THSD4: variants seen among roughly 807,000 people sequenced by gnomAD.
THSD4 encodes thrombospondin type 1 domain containing 4.
THSD4 carries 69 observed loss-of-function variants against 119.0 expected under a neutral mutation model. The ratio of observed to expected loss-of-function variants is 0.58; its 90% CI spans 0.48 to 0.71. The LOEUF is 0.71. Ranked by LOEUF, THSD4 falls within the 30% of genes least tolerant of loss-of-function variation. The pLI, the probability that THSD4 is intolerant of heterozygous loss-of-function variation, is 0.00. For synonymous variants in THSD4, 524 were observed against 540.4 expected (o/e 0.97, Z 0.42); for missense variants, 1,393 against 1,391.1 (o/e 1.00, Z -0.02).
chr15:71,335,217 G>A (rs576054570), intron 6 of THSD4, among the ~76,000 whole-genome samples: 43 of 152,140 alleles, frequency 2.8e-4, no homozygotes, highest in Non-Finnish European at 4.9e-4. Flanking sequence ...CACAGCTCAC[G>A]TTCAGGAAAT....
intron 3 of THSD4, among the ~76,000 whole-genome samples, chr15:71,169,999 C>A (rs1370198887): frequency 6.6e-6 from 1 of 152,074 alleles, no homozygotes; most frequent in African/African-American, 2.4e-5. Context: ...CATGGTGAAA[C>A]CCCATCTCTA....
At chr15:71,764,768 A>G (rs1458313085) in intron 15 of THSD4, among the ~76,000 whole-genome samples, 1 of 152,234 alleles carries the variant, frequency 6.6e-6, no homozygotes, top group East Asian at 1.9e-4. Flanking sequence ...AGAAGACAAC[A>G]AGATCTTAGT....
chr15:71,412,773 A>C (rs908126474), intron 7 of THSD4, among the ~76,000 whole-genome samples: 2 of 152,196 alleles, frequency 1.3e-5, no homozygotes, highest in African/African-American at 4.8e-5. Flanking sequence ...GAGGTTTCAG[A>C]TAGGATGCAA....
chr15:71,220,791 C>T (rs2043969203), intron 4 of THSD4, among the ~76,000 whole-genome samples: 1 of 152,172 alleles, frequency 6.6e-6, no homozygotes, highest in Non-Finnish European at 1.5e-5. Context: ...GGGTGGGACT[C>T]TGGGAAGCAT....
chr15:71,446,805 C>T (rs1428270693), intron 7 of THSD4, among the ~76,000 whole-genome samples: 4 of 152,146 alleles, frequency 2.6e-5, no homozygotes, highest in Admixed American at 6.5e-5. Context: ...ATCTGAGCAT[C>T]TCGGGAAGAC....
rs542959885 is a variant in THSD4, at chr15:71,517,368, T to G, written c.1152+105545T>G. On this transcript the variant is annotated intron_variant, in intron 7 of 17. Transcript: ENST00000261862. ...GTGTCTGTGTTTTCGCTTTCATGCT[T>G]CTTCTTCCTCTTGCTTCACCTGTGT... Among the ~76,000 whole-genome samples the G allele has an allele frequency of 4.6e-5, 7 of 152,322 alleles. No individual in the cohort carries two copies. In the East Asian group the frequency reaches 5.8e-4, roughly 13 times the overall value.
chr15:71,139,575 A>T (rs1379491682), intron 1 of THSD4, among the ~76,000 whole-genome samples: 1 of 152,206 alleles, frequency 6.6e-6, no homozygotes, highest in Non-Finnish European at 1.5e-5. Context: ...GAGTAATTTC[A>T]TGAGTTGCTG....
At chr15:71,565,110 G>A (rs982650376) in intron 7 of THSD4, among the ~76,000 whole-genome samples, 1 of 152,148 alleles carries the variant, frequency 6.6e-6, no homozygotes, top group Non-Finnish European at 1.5e-5. Context: ...AAGGACTGTG[G>A]CTGCAGGTCC....
intron 7 of THSD4, among the ~76,000 whole-genome samples, chr15:71,617,555 G>A (rs55670524): frequency 0.015 from 2,212 of 152,206 alleles, 23 homozygotes; most frequent in Middle Eastern, 0.027. Flanking sequence ...ATACTCAGCC[G>A]AACCCTGGAA....
chr15:71,109,382 A>T (rs1432426483), intron 1 of THSD4, among the ~76,000 whole-genome samples: 1 of 152,236 alleles, frequency 6.6e-6, no homozygotes, highest in African/African-American at 2.4e-5. Context: ...AAGAAGTCAC[A>T]TACTTCTCTG....
chr15:71,339,993 G>T (rs2045543811), intron 6 of THSD4, among the ~76,000 whole-genome samples: 1 of 152,144 alleles, frequency 6.6e-6, no homozygotes, highest in Non-Finnish European at 1.5e-5. Context: ...TTGAACTCCT[G>T]ACCTCAGGTG....
At chr15:71,533,685 C>A (rs2048648416) in intron 7 of THSD4, among the ~76,000 whole-genome samples, 1 of 152,100 alleles carries the variant, frequency 6.6e-6, no homozygotes, top group African/African-American at 2.4e-5. Flanking sequence ...CTGCTTAGAG[C>A]AGGACTCCCA....
intron 7 of THSD4, among the ~76,000 whole-genome samples, chr15:71,545,281 G>A (rs2048819560): frequency 6.6e-6 from 1 of 152,168 alleles, no homozygotes; most frequent in African/African-American, 2.4e-5. Context: ...GACCTTTCCA[G>A]AGCCCTTGCA....
In THSD4 at chr15:71,777,333, C is replaced by G. The variant is rs371833464; in HGVS notation, c.3016C>G (p.Arg1006Gly). Residue 1006 changes from arginine to glycine, a missense_variant, in exon 18 of 18, where the codon CGT becomes GGT. Transcript: ENST00000261862. The part of the protein sequence containing the change: ...YKTACCASCT[R>G]VANRQTGFLG... ...GACCGCCTGCTGTGCCTCCTGCACCCGTGTGGCCAACAGGCAGACGGGCTT... is the reference window on the plus strand; with the variant it reads ...GACCGCCTGCTGTGCCTCCTGCACCGGTGTGGCCAACAGGCAGACGGGCTT... 3.8e-5 allele frequency: 62 copies of G among 1,614,084 alleles called. No homozygotes were observed. Among genetic ancestry groups the G allele is most frequent in the Non-Finnish European group, 5.0e-5 (59 of 1,180,052 alleles).
chr15:71,333,863 A>G (rs1049000401), intron 6 of THSD4, among the ~76,000 whole-genome samples: 3 of 152,186 alleles, frequency 2.0e-5, no homozygotes, highest in African/African-American at 7.2e-5. Context: ...CGTTGACAAG[A>G]TAATGCTACA....
intron 6 of THSD4, among the ~76,000 whole-genome samples, chr15:71,335,557 ATGAT>A (rs1195142933): frequency 1.3e-5 from 2 of 152,138 alleles, no homozygotes; most frequent in Non-Finnish European, 2.9e-5. Flanking sequence ...AAAGGATATA[ATGAT>A]TGATGAGTGA....
intron 7 of THSD4, among the ~76,000 whole-genome samples, chr15:71,462,431 GCATGAGCCAC>G (rs1249122203): frequency 6.6e-6 from 1 of 152,184 alleles, no homozygotes; most frequent in Non-Finnish European, 1.5e-5. Flanking sequence ...GGGATTGCAG[GCATGAGCCAC>G]CATGCCCAGC....
intron 6 of THSD4, among the ~76,000 whole-genome samples, chr15:71,373,860 A>T (rs557551114): frequency 6.6e-6 from 1 of 152,240 alleles, no homozygotes; most frequent in African/African-American, 2.4e-5. Context: ...TGGAGAAAGC[A>T]TTATATACAC....
At chr15:71,360,436 C>T (rs907348218) in intron 6 of THSD4, among the ~76,000 whole-genome samples, 7 of 152,088 alleles carry the variant, frequency 4.6e-5, no homozygotes, top group Non-Finnish European at 8.8e-5. Context: ...TGAGAAGCAG[C>T]GTATGCATAC....
Sources: gnomAD v4.1 joint callset for allele counts (sites outside exome capture counted in the v4.1 genomes callset) on GRCh38, gnomAD v4.1.1 for gene constraint, MANE v1.5 for transcripts, NCBI Gene and HGNC (gene_info 2026-07-23, HGNC 2026-07-21) for gene names.